Variants in RPL5 observed in about 807,000 individuals in gnomAD.
The protein encoded by RPL5 is ribosomal protein L5, also known as large ribosomal subunit protein uL18.
A neutral mutation model predicts 38.4 loss-of-function variants in RPL5; 1 was observed. That is an observed-to-expected ratio of 0.03 (90% CI 0.01 to 0.12). RPL5 has a LOEUF of 0.12. Among genes scored for constraint, RPL5 ranks in the 10% least tolerant of loss-of-function variants. The pLI, the probability that RPL5 is intolerant of heterozygous loss-of-function variation, is 1.00. For missense variants in RPL5, 243 were observed against 374.1 expected (o/e 0.65, Z 2.89); for synonymous variants, 109 against 121.2 (o/e 0.90, Z 0.66).
chr1:92,838,485 A>G (rs770951053), intron 6 of RPL5, among the ~76,000 whole-genome samples: 2 of 152,192 alleles, frequency 1.3e-5, no homozygotes, highest in Non-Finnish European at 2.9e-5. Context: ...TCAGACTCCC[A>G]GTTTGTGCTT....
chr1:92,833,078 T>G (rs768233834), intron 1 of RPL5: 5 of 716,850 alleles, frequency 7.0e-6, no homozygotes, highest in South Asian at 1.5e-5. Context: ...TAAAACCTTT[T>G]GAAAGCAATA....
chr1:92,834,192 C>T (rs1363814433), intron 3 of RPL5, among the ~76,000 whole-genome samples: 5 of 152,178 alleles, frequency 3.3e-5, no homozygotes, highest in Admixed American at 2.0e-4. Context: ...CTGATTTTTC[C>T]TATATGGCCT....
At chr1:92,833,296 A>G (rs1686985358) in intron 1 of RPL5, 93 bp from the exon 2 acceptor site, 17 of 1,022,246 alleles carry the variant, frequency 1.7e-5, no homozygotes, top group Non-Finnish European at 2.3e-5. Flanking sequence ...TTACTCTTGA[A>G]GTTCAAGTGT....
Position 92,833,627 on chromosome 1 carries a change from A to C in RPL5, c.156A>C (p.Ile52=), listed in dbSNP as rs753968704. ...NKYNTPKYRM[I]VRVTNRDIIC... ...ACAACACACCCAAATACAGGATGAT[A>C]GTTCGTGTGACAAACAGAGATATCA... The change falls in exon 3 of 8, where the codon ATA becomes ATC. Residue 52 remains isoleucine (I), a synonymous_variant. Coordinates refer to ENST00000370321, the MANE Select transcript of RPL5 (RefSeq NM_000969.5). 2.0e-5 allele frequency: 33 copies of C among 1,612,096 alleles called. No homozygotes were observed. The highest frequency in any genetic ancestry group is 2.8e-5 in the Non-Finnish European group (33 of 1,179,918).
chr1:92,840,796 G>A (rs1295818996), intron 7 of RPL5, 157 bp downstream of exon 7: 4 of 739,834 alleles, frequency 5.4e-6, no homozygotes, highest in Admixed American at 1.7e-5. Context: ...CTGTGGTGAT[G>A]GAAATGTGTT....
At chr1:92,832,740 T>C (rs965730982) in intron 1 of RPL5, 62 of 444,102 alleles carry the variant, frequency 1.4e-4, no homozygotes, top group Admixed American at 1.2e-4. Flanking sequence ...AGTTTTTAAT[T>C]ATTGGGGTAG....
chr1:92,833,390 G>T lies in RPL5; in HGVS notation c.5G>T (p.Gly2Val). MGFVKVVKNKAY... is the reference protein window; with the variant it reads MVFVKVVKNKAY... ...TAATAACATTCTTTTTTCTTTAAGG[G>T]GTTTGTTAAAGTTGTTAAGAATAAG... The change falls in exon 2 of 8, where the codon GGG becomes GTG. Residue 2 changes from glycine (G) to valine (V), a missense_variant and splice_region_variant. Gly to Val is a moderately radical substitution (Grantham distance 109). Transcript: ENST00000370321. 2 of 1,609,248 alleles carry T rather than the reference G, an allele frequency of 1.2e-6. No individual in the cohort carries two copies. The highest frequency in any genetic ancestry group is 1.7e-6 in the Non-Finnish European group (2 of 1,175,806).
At chr1:92,838,242 A>G (rs1296727291) in intron 6 of RPL5, among the ~76,000 whole-genome samples, 12 of 152,240 alleles carry the variant, frequency 7.9e-5, no homozygotes, top group Admixed American at 2.0e-4. Flanking sequence ...CTTTGGACAC[A>G]GTGTAAAGGC....
chr1:92,836,790 G>A (rs890884118), intron 5 of RPL5: 16 of 220,080 alleles, frequency 7.3e-5, no homozygotes, highest in African/African-American at 2.3e-5. Flanking sequence ...GAAGTTTGAG[G>A]AAAAGGCTTA....
chr1:92,840,209 CTG>C (rs1391685443), intron 6 of RPL5: 1 of 292,744 alleles, frequency 3.4e-6, no homozygotes, highest in Non-Finnish European at 6.6e-6. Flanking sequence ...ACAGGTCTCA[CTG>C]TGTTGCCTTA....
chr1:92,838,999 G>A (rs1398838971), intron 6 of RPL5, among the ~76,000 whole-genome samples: 1 of 149,502 alleles, frequency 6.7e-6, no homozygotes, highest in Non-Finnish European at 1.5e-5. Flanking sequence ...TCTGTAGTGG[G>A]CTATAATTAT....
intron 6 of RPL5, among the ~76,000 whole-genome samples, chr1:92,838,046 T>G (rs6604026): frequency 7.2e-5 from 11 of 152,090 alleles, no homozygotes; most frequent in Non-Finnish European, 1.5e-4. Flanking sequence ...TGCGTGATGT[T>G]GTAGAAATGA....
At chr1:92,834,594 T>C (rs1571026299) in intron 3 of RPL5, among the ~76,000 whole-genome samples, 185 bp from the exon 4 acceptor site, 3 of 152,202 alleles carry the variant, frequency 2.0e-5, no homozygotes, top group South Asian at 2.1e-4. Context: ...ATTGAAATAT[T>C]TGGGTATTCC....
intron 1 of RPL5, 171 bp downstream of exon 1, chr1:92,832,288 C>T (rs1004210973): frequency 6.7e-6 from 7 of 1,049,452 alleles, no homozygotes; most frequent in South Asian, 1.4e-5. Flanking sequence ...GGCTGCCGCC[C>T]GGTGCGCGAA....
chr1:92,838,614 C>T (rs973686398), intron 6 of RPL5, among the ~76,000 whole-genome samples: 1 of 152,224 alleles, frequency 6.6e-6, no homozygotes, highest in African/African-American at 2.4e-5. Context: ...CCTCTATCCT[C>T]CTGTGTGCCT....
intron 1 of RPL5, 105 bp from the exon 2 acceptor site, chr1:92,833,284 G>C: frequency 2.1e-6 from 2 of 933,548 alleles, no homozygotes; most frequent in Non-Finnish European, 3.4e-6. Context: ...ACAGTTGTCT[G>C]TTTACTCTTG....
intron 5 of RPL5, 47 bp from the exon 6 acceptor site, chr1:92,837,409 A>G: frequency 6.6e-7 from 1 of 1,521,850 alleles, no homozygotes; most frequent in South Asian, 1.1e-5. Flanking sequence ...TTACTAGTAA[A>G]CTAAGTTAAG....
intron 6 of RPL5, among the ~76,000 whole-genome samples, chr1:92,838,688 G>A (rs911622784): frequency 1.3e-5 from 2 of 152,142 alleles, no homozygotes; most frequent in African/African-American, 2.4e-5. Context: ...CTCAATTCAG[G>A]CATTATCTAC....
intron 7 of RPL5, 173 bp downstream of exon 7, chr1:92,840,812 C>T (rs1323561491): frequency 1.4e-6 from 1 of 726,898 alleles, no homozygotes; most frequent in East Asian, 2.6e-5. Context: ...GTGTTAGCCT[C>T]AGACACTACT....
Sources: allele counts gnomAD v4.1 joint callset (sites outside exome capture counted in the v4.1 genomes callset), GRCh38; gene constraint gnomAD v4.1.1; transcripts MANE v1.5; gene names NCBI Gene and HGNC (gene_info 2026-07-23, HGNC 2026-07-21).